LCK: variants seen among roughly 807,000 people sequenced by gnomAD.
LCK encodes the protein tyrosine-protein kinase Lck.
A neutral mutation model predicts 64.6 loss-of-function variants in LCK; 14 were observed. The ratio of observed to expected loss-of-function variants is 0.22; its 90% CI spans 0.14 to 0.34. The LOEUF (loss-of-function observed/expected upper bound fraction) is 0.34. Ranked by LOEUF, LCK falls within the 10% of genes least tolerant of loss-of-function variation. The probability of loss-of-function intolerance (pLI) is 1.00; values close to 1 mark genes in which losing one functional copy is unlikely to be tolerated. For missense variants in LCK, 434 were observed against 668.1 expected (o/e 0.65, Z 3.86); for synonymous variants, 277 against 263.6 (o/e 1.05, Z -0.49).
At chr1:32,255,726 G>A (rs536209056) in intron 1 of LCK, among the ~76,000 whole-genome samples, 11 of 152,114 alleles carry the variant, frequency 7.2e-5, no homozygotes, top group African/African-American at 1.7e-4. Context: ...TGCATGGGAC[G>A]CTCTCTGTCT....
chr1:32,260,027 T>C (rs962990302), intron 1 of LCK, among the ~76,000 whole-genome samples: 4 of 151,778 alleles, frequency 2.6e-5, no homozygotes, highest in African/African-American at 9.7e-5. Flanking sequence ...TTTTTTTAAT[T>C]TTATTTTTAT....
intron 1 of LCK, among the ~76,000 whole-genome samples, chr1:32,271,854 G>T (rs1177697673): frequency 1.3e-5 from 2 of 152,148 alleles, no homozygotes; most frequent in East Asian, 3.8e-4. Flanking sequence ...CTCATCAAAG[G>T]TATGGGAGAG....
In LCK at chr1:32,285,841, T is replaced by C; in HGVS notation, c.*125T>C. ...ACTCTGCACATGAATCCCACCCACA[T>C]GTGACACATATGCACCTTGTGTCTG... On this transcript the variant is annotated 3_prime_UTR_variant, in exon 13 of 13. Transcript: ENST00000336890. 1.2e-5 allele frequency: 12 copies of C among 967,846 alleles called. No individual in the cohort carries two copies. The South Asian group carries it at 1.5e-4, about 12-fold the overall frequency. 60.0% of individuals were successfully genotyped at this position (967,846 alleles called of 1,614,324 possible).
chr1:32,267,456 C>T, intron 1 of LCK, among the ~76,000 whole-genome samples: 1 of 152,140 alleles, frequency 6.6e-6, no homozygotes, highest in East Asian at 1.9e-4. Flanking sequence ...GGCTGAGTAT[C>T]TCAGTTTAAG....
At chr1:32,255,594 A>G (rs183150252) in intron 1 of LCK, among the ~76,000 whole-genome samples, 4 of 152,222 alleles carry the variant, frequency 2.6e-5, no homozygotes, top group African/African-American at 9.6e-5. Context: ...ATGTGCGGCC[A>G]TGTTGTCGGC....
chr1:32,259,515 G>T (rs984955459), intron 1 of LCK, among the ~76,000 whole-genome samples: 17 of 151,938 alleles, frequency 1.1e-4, no homozygotes, highest in South Asian at 6.2e-4. Context: ...AGCTCCTCGG[G>T]AGGCTGAGGT....
In LCK at chr1:32,278,407, C is replaced by T. The variant is rs530113441; in HGVS notation, c.965-1264C>T. ...AGGCTGGAGTGCAGTGGCATGATCTCGGCTCACTTCAGCCTCCCCCTCCTG... is the reference window on the plus strand; with the variant it reads ...AGGCTGGAGTGCAGTGGCATGATCTTGGCTCACTTCAGCCTCCCCCTCCTG... On this transcript the variant is annotated intron_variant, in intron 9 of 12. Transcript: ENST00000336890. Among the ~76,000 whole-genome samples, 10 of 151,790 alleles carry T rather than the reference C, an allele frequency of 6.6e-5. No homozygotes were observed. The East Asian group carries it at 1.6e-3, about 24-fold the overall frequency.
In LCK at chr1:32,283,893, G is replaced by A. The variant is rs190213277; in HGVS notation, c.1328-1621G>A. On this transcript the variant is annotated intron_variant, in intron 12 of 12. Transcript: ENST00000336890. The stretch of plus-strand genomic sequence containing the variant: ...TGCCCTTTATTATTTATTTATTTAT[G>A]TATTTATTTCAGACAGAGTCTCTGT... Among the ~76,000 whole-genome samples the A allele has an allele frequency of 4.5e-3, 676 of 151,842 alleles. 4 individuals are homozygous for A. The highest frequency in any genetic ancestry group is 0.015 in the African/African-American group (617 of 41,378).
intron 1 of LCK, among the ~76,000 whole-genome samples, chr1:32,266,970 C>T (rs922283716): frequency 6.7e-6 from 1 of 150,346 alleles, no homozygotes. Flanking sequence ...AGGGACCTTA[C>T]TGGTCTAAGT....
Position 32,258,288 on chromosome 1 carries a change from GA to G in LCK, c.-6+6931del, listed in dbSNP as rs770894871. ...ACAGAGTGAGATCCCATCTCTAAAG[GA>G]AAAAAAAAAAAAAGAGAGAGAGCGG... On this transcript the variant is annotated intron_variant, in intron 1 of 12. Transcript: ENST00000336890. Among the ~76,000 whole-genome samples the G allele has an allele frequency of 9.8e-3, 1,249 of 127,024 alleles. 10 individuals carry two copies. The highest frequency in any genetic ancestry group is 0.026 in the African/African-American group (911 of 34,646). The allele number at this position is 127,024 out of a possible 152,430, so 83.3% of individuals were successfully genotyped here.
At chr1:32,260,295 A>G (rs1639735035) in intron 1 of LCK, among the ~76,000 whole-genome samples, 1 of 152,102 alleles carries the variant, frequency 6.6e-6, no homozygotes, top group African/African-American at 2.4e-5. Flanking sequence ...ACAGGTGTGA[A>G]CCACTGCGCC....
intron 1 of LCK, among the ~76,000 whole-genome samples, chr1:32,261,901 C>T (rs1392963150): frequency 7.0e-6 from 1 of 141,856 alleles, no homozygotes; most frequent in African/African-American, 2.6e-5. Context: ...TGCAGTGAAC[C>T]GAGATCACAC....
chr1:32,252,672 T>C (rs1489888117), intron 1 of LCK, among the ~76,000 whole-genome samples: 1 of 152,148 alleles, frequency 6.6e-6, no homozygotes, highest in Non-Finnish European at 1.5e-5. Flanking sequence ...TCCCTTGCTC[T>C]TGGGCCCCAG....
intron 2 of LCK, 134 bp from the exon 3 acceptor site, chr1:32,274,603 C>G: frequency 2.2e-6 from 2 of 926,634 alleles, no homozygotes; most frequent in Non-Finnish European, 3.3e-6. Context: ...TAAGATCACA[C>G]AGAAAGTAGT....
intron 9 of LCK, 137 bp from the exon 10 acceptor site, chr1:32,279,534 A>C: frequency 6.5e-7 from 1 of 1,547,434 alleles, no homozygotes; most frequent in Non-Finnish European, 8.8e-7. Flanking sequence ...TACCCTGAAC[A>C]CACACTCCTC....
At chr1:32,273,108 G>A (rs1640154676) in intron 1 of LCK, among the ~76,000 whole-genome samples, 1 of 142,260 alleles carries the variant, frequency 7.0e-6, no homozygotes, top group South Asian at 2.3e-4. Context: ...GCATGAATGT[G>A]TGTGTGGGTA....
intron 9 of LCK, among the ~76,000 whole-genome samples, chr1:32,279,144 T>C (rs1384299001): frequency 6.6e-6 from 1 of 152,206 alleles, no homozygotes; most frequent in Non-Finnish European, 1.5e-5. Flanking sequence ...ATGGGAAAGT[T>C]CCAGCATGCC....
At position 32,274,429 on chromosome 1, in the gene LCK, G is replaced by T; in HGVS notation, c.100G>T (p.Gly34Cys). 6.2e-7 allele frequency: 1 copy of T among 1,611,410 alleles called. No homozygotes were observed. The change falls in exon 2 of 13, where the codon GGC becomes TGC. Residue 34 changes from glycine to cysteine, a missense_variant. Gly to Cys is a radical substitution (Grantham distance 159). This residue lies in a region of LCK where 233 missense variants were observed against 291.2 expected (regional missense o/e 0.80). Coordinates refer to ENST00000336890, the MANE Select transcript of LCK (RefSeq NM_005356.5). ...HYPIVPLDGK[G>C]TLLIRNGSEV... ...TCCCATAGTCCCACTGGATGGCAAGGGCACGGTAAGAGGCGAGACAGGGGC... is the reference window on the plus strand; with the variant it reads ...TCCCATAGTCCCACTGGATGGCAAGTGCACGGTAAGAGGCGAGACAGGGGC...
chr1:32,261,840 C>T (rs1391343325), intron 1 of LCK, among the ~76,000 whole-genome samples: 1 of 149,902 alleles, frequency 6.7e-6, no homozygotes, highest in East Asian at 2.0e-4. Context: ...CCAATCCCAG[C>T]TACTCCGGAG....
Sources: gnomAD v4.1 joint callset for allele counts (sites outside exome capture counted in the v4.1 genomes callset) on GRCh38, gnomAD v4.1.1 for gene constraint, gnomAD v4.1.1 regional missense constraint, MANE v1.5 for transcripts, NCBI Gene and HGNC (gene_info 2026-07-23, HGNC 2026-07-21) for gene names.